FOCAD: variants seen among roughly 807,000 people sequenced by gnomAD.
The protein encoded by FOCAD is focadhesin.
Under a neutral mutation model 225.6 loss-of-function variants are expected in FOCAD, and 198 were observed. That is an observed-to-expected ratio of 0.88 (90% CI 0.78 to 0.99). The LOEUF (loss-of-function observed/expected upper bound fraction) is 0.99. Ranked by LOEUF, FOCAD falls within the 50% of genes least tolerant of loss-of-function variation. FOCAD has a pLI of 0.00. For missense variants in FOCAD, 2,713 were observed against 2,123.6 expected (o/e 1.28, Z -5.46); for synonymous variants, 897 against 755.0 (o/e 1.19, Z -3.08).
intron 1 of FOCAD, among the ~76,000 whole-genome samples, chr9:20,713,293 C>T (rs556704584): frequency 5.9e-5 from 9 of 152,190 alleles, no homozygotes; most frequent in Non-Finnish European, 1.3e-4. Flanking sequence ...ATGCACATCT[C>T]TTTATTCTTC....
intron 11 of FOCAD, among the ~76,000 whole-genome samples, chr9:20,798,401 G>C (rs1360410150): frequency 4.6e-5 from 7 of 152,026 alleles, no homozygotes; most frequent in Admixed American, 2.0e-4. Context: ...TCTATTGATT[G>C]GAATAGTTTC....
rs538017921 is a variant in FOCAD, at chr9:20,955,321, A to G, written c.4132+2256A>G. 1.2e-3 allele frequency among the ~76,000 whole-genome samples: 188 copies of G among 152,268 alleles called. 3 individuals carry two copies. Among genetic ancestry groups the G allele is most frequent in the Non-Finnish European group, 1.7e-3 (119 of 68,028 alleles). On this transcript the variant is annotated intron_variant, in intron 35 of 43. Coordinates refer to ENST00000338382, the MANE Select transcript of FOCAD (RefSeq NM_001375567.1). ...TCAAATTTAGCCAATCAAATTTGAG[A>G]TAGTGAATCTGTTAATCTGTTTTCT...
chr9:20,796,635 A>G (rs539766238), intron 11 of FOCAD, among the ~76,000 whole-genome samples: 39 of 152,182 alleles, frequency 2.6e-4, no homozygotes, highest in Admixed American at 6.5e-4. Context: ...GTCTGTTCAT[A>G]TCCTTTGCCC....
At chr9:20,741,807 T>A (rs886912767) in intron 5 of FOCAD, among the ~76,000 whole-genome samples, 1 of 150,336 alleles carries the variant, frequency 6.7e-6, no homozygotes, top group African/African-American at 2.4e-5. Context: ...TGAATAAACA[T>A]CTGCATTTCC....
intron 18 of FOCAD, among the ~76,000 whole-genome samples, chr9:20,872,413 A>G (rs1200969026): frequency 6.6e-6 from 1 of 152,120 alleles, no homozygotes; most frequent in East Asian, 1.9e-4. Context: ...TAATTCTGGA[A>G]GCATTTGGTC....
rs920393087 is a variant in FOCAD at position 20,862,798 on chromosome 9, C to G, written c.2055+86C>G. On this transcript the variant is annotated intron_variant, in intron 16 of 43. Coordinates refer to ENST00000338382, the MANE Select transcript of FOCAD (RefSeq NM_001375567.1). ...AACTTTTGGAATAAATATTCCTAAT[C>G]TGTTGTTGTTGTTGTTGTTGTTCTG... 87 of 1,444,216 alleles carry G rather than the reference C, an allele frequency of 6.0e-5. 1 individual carries two copies. The highest frequency in any genetic ancestry group is 8.0e-5 in the Non-Finnish European group (85 of 1,068,536). The allele number at this position is 1,444,216 out of a possible 1,614,324, so 89.5% of individuals were successfully genotyped here. A position where few individuals can be genotyped will look rare whatever the true frequency, so the allele number is the denominator to read the frequency against.
chr9:20,876,885 A>G (rs1291548517), intron 19 of FOCAD, among the ~76,000 whole-genome samples: 1 of 152,184 alleles, frequency 6.6e-6, no homozygotes, highest in Non-Finnish European at 1.5e-5. Flanking sequence ...ATTCCTTTCA[A>G]ATGAACACAA....
intron 2 of FOCAD, among the ~76,000 whole-genome samples, chr9:20,663,514 C>T (rs1286688688): frequency 6.7e-6 from 1 of 149,612 alleles, no homozygotes; most frequent in Non-Finnish European, 1.5e-5. Flanking sequence ...CACATACACA[C>T]AGTTTATGAC....
intron 15 of FOCAD, among the ~76,000 whole-genome samples, chr9:20,837,986 G>A (rs2131545688): frequency 1.3e-5 from 2 of 152,136 alleles, no homozygotes; most frequent in Middle Eastern, 6.8e-3. Context: ...AAGGAAATTT[G>A]GAATTAAGAC....
intron 16 of FOCAD, among the ~76,000 whole-genome samples, chr9:20,863,940 A>C (rs1479400099): frequency 1.3e-5 from 2 of 151,490 alleles, no homozygotes; most frequent in Non-Finnish European, 2.9e-5. Flanking sequence ...TATCTTTTGG[A>C]CCAGATTTTT....
At chr9:20,684,502 C>G (rs1276303991) in intron 1 of FOCAD, 1 of 152,890 alleles carries the variant, frequency 6.5e-6, no homozygotes, top group Non-Finnish European at 1.5e-5. Context: ...TGCCCTCGTC[C>G]GGTCCTGCTG....
At chr9:20,681,040 C>T (rs1030597453), upstream of FOCAD, among the ~76,000 whole-genome samples, 19 of 152,092 alleles carry the variant, frequency 1.2e-4, no homozygotes, top group Non-Finnish European at 4.4e-5. Flanking sequence ...CCTGCCCAAC[C>T]ACAGCCCCCC....
At chr9:20,968,015 G>T (rs1245235023) in intron 35 of FOCAD, among the ~76,000 whole-genome samples, 1 of 152,066 alleles carries the variant, frequency 6.6e-6, no homozygotes, top group Non-Finnish European at 1.5e-5. Context: ...TTTTTTGAAA[G>T]AAATTGAGAA....
At position 20,760,999 on chromosome 9, in the gene FOCAD, A is replaced by G. The variant is rs148080428; in HGVS notation, c.494+2808A>G. Among the ~76,000 whole-genome samples the G allele has an allele frequency of 4.0e-4, 60 of 151,692 alleles. No individual in the cohort carries two copies. The South Asian group carries it at 4.2e-3, about 11-fold the overall frequency. On this transcript the variant is annotated intron_variant, in intron 6 of 43. Coordinates refer to ENST00000338382, the MANE Select transcript of FOCAD (RefSeq NM_001375567.1). ...TATGTATATGTCCTAAAATGACAAT[A>G]TATCTTCATGCTAGATTTTTTGGGG...
At chr9:20,932,549 G>A (rs1230295947) in intron 27 of FOCAD, among the ~76,000 whole-genome samples, 1 of 151,988 alleles carries the variant, frequency 6.6e-6, no homozygotes, top group Non-Finnish European at 1.5e-5. Context: ...GTAAGTAAAG[G>A]AATAGAATTT....
At chr9:20,932,564 C>T (rs1300430365) in intron 27 of FOCAD, among the ~76,000 whole-genome samples, 1 of 152,102 alleles carries the variant, frequency 6.6e-6, no homozygotes, top group Non-Finnish European at 1.5e-5. Flanking sequence ...GAATTTATAA[C>T]CTCCACAACT....
At chr9:20,757,820 T>C (rs1460137327) in intron 5 of FOCAD, among the ~76,000 whole-genome samples, 1 of 152,152 alleles carries the variant, frequency 6.6e-6, no homozygotes, top group African/African-American at 2.4e-5. Flanking sequence ...ACAGAACTGT[T>C]AAATGGAAGA....
chr9:20,853,167 A>G (rs953655640), intron 15 of FOCAD, among the ~76,000 whole-genome samples: 3 of 151,788 alleles, frequency 2.0e-5, no homozygotes, highest in Admixed American at 1.3e-4. Flanking sequence ...GAATGTCCCT[A>G]TAGGGAGTTC....
At chr9:20,798,614 G>T (rs975773554) in intron 11 of FOCAD, among the ~76,000 whole-genome samples, 8 of 152,228 alleles carry the variant, frequency 5.3e-5, no homozygotes, top group South Asian at 4.1e-4. Context: ...ATTTCTTCTA[G>T]ATTTTCTAGT....
Sources: allele counts gnomAD v4.1 joint callset (sites outside exome capture counted in the v4.1 genomes callset), GRCh38; gene constraint gnomAD v4.1.1; transcripts MANE v1.5; gene names NCBI Gene and HGNC (gene_info 2026-07-23, HGNC 2026-07-21).